EML1: variants seen among roughly 807,000 people sequenced by gnomAD.
EML1 encodes the protein echinoderm microtubule-associated protein-like 1.
In EML1, 27 loss-of-function variants were observed where a neutral mutation model predicts 110.4. That is an observed-to-expected ratio of 0.24 (90% CI 0.18 to 0.34). The LOEUF is 0.34. EML1 is among the 10% of genes least tolerant of loss of function. The probability of loss-of-function intolerance (pLI) is 1.00; values close to 1 mark genes in which losing one functional copy is unlikely to be tolerated. For synonymous variants in EML1, 344 were observed against 385.8 expected (o/e 0.89, Z 1.27); for missense variants, 741 against 1,030.9 (o/e 0.72, Z 3.85).
intron 12 of EML1, among the ~76,000 whole-genome samples, chr14:99,910,743 G>A (rs2059932412): frequency 6.6e-6 from 1 of 151,648 alleles, no homozygotes; most frequent in South Asian, 2.1e-4. Context: ...GCTAGACACT[G>A]TGAACATACA....
chr14:99,839,988 A>G (rs2139801131), intron 1 of EML1, among the ~76,000 whole-genome samples: 1 of 152,214 alleles, frequency 6.6e-6, no homozygotes, highest in East Asian at 1.9e-4. Context: ...CAGGCCCGCA[A>G]GTGGCAGAGC....
intron 1 of EML1, among the ~76,000 whole-genome samples, chr14:99,745,399 A>T (rs936936430): frequency 1.3e-5 from 2 of 152,214 alleles, no homozygotes; most frequent in African/African-American, 4.8e-5. Flanking sequence ...GTACATACAC[A>T]TATGGCACAC....
At chr14:99,891,483 G>A (rs964243290) in intron 5 of EML1, among the ~76,000 whole-genome samples, 1 of 152,206 alleles carries the variant, frequency 6.6e-6, no homozygotes, top group Non-Finnish European at 1.5e-5. Flanking sequence ...CAGTAAGGAG[G>A]AGAGTGGAAT....
At chr14:99,767,080 G>A (rs184069815) in intron 1 of EML1, among the ~76,000 whole-genome samples, 5 of 152,152 alleles carry the variant, frequency 3.3e-5, no homozygotes, top group African/African-American at 1.2e-4. Flanking sequence ...TGAGAAGAAG[G>A]CACGGTGAGA....
At chr14:99,853,420 T>A (rs1303018820) in intron 2 of EML1, among the ~76,000 whole-genome samples, 1 of 151,830 alleles carries the variant, frequency 6.6e-6, no homozygotes, top group Non-Finnish European at 1.5e-5. Context: ...GGGAGGGGTG[T>A]GCCTGCAGCA....
At chr14:99,821,308 C>T (rs1477306442) in intron 1 of EML1, among the ~76,000 whole-genome samples, 3 of 152,160 alleles carry the variant, frequency 2.0e-5, no homozygotes, top group Non-Finnish European at 2.9e-5. Flanking sequence ...CGCCCAGCCT[C>T]TTACTTTAAC....
At chr14:99,917,633 C>A in intron 15 of EML1, 149 bp from the exon 16 acceptor site, 1 of 726,118 alleles carries the variant, frequency 1.4e-6, no homozygotes. Context: ...AAACATTTTT[C>A]TCTAGAAAAG....
In EML1 at chr14:99,939,987, G is replaced by A; in HGVS notation, c.2323G>A (p.Ala775Thr). 1 of 1,570,966 alleles carries A rather than the reference G, an allele frequency of 6.4e-7. No individual in the cohort carries two copies. The highest frequency in any genetic ancestry group is 1.7e-4 in the Middle Eastern group (1 of 5,870). The change falls in exon 22 of 22, where the codon GCT (alanine) becomes ACT (threonine). Residue 775 changes from alanine (A) to threonine (T), a missense_variant and splice_region_variant. Coordinates refer to ENST00000262233, the MANE Select transcript of EML1 (RefSeq NM_004434.3). The surrounding 1 kb of genome is among the most constrained non-coding windows in gnomAD (Gnocchi z 4.2). ...LFSYPCSQFR[A>T]PSHIYGGHSS... ...CTTTCCCCCGTATCATTCCCTCCAG[G>A]CTCCAAGCCACATCTACGGCGGGCA...
intron 1 of EML1, among the ~76,000 whole-genome samples, chr14:99,812,524 C>T (rs1338548648): frequency 2.0e-5 from 3 of 151,910 alleles, no homozygotes; most frequent in South Asian, 4.2e-4. Context: ...GACCATTCCT[C>T]GGCTGCACAA....
intron 1 of EML1, among the ~76,000 whole-genome samples, chr14:99,832,567 C>T (rs1376376671): frequency 6.6e-6 from 1 of 152,154 alleles, no homozygotes; most frequent in African/African-American, 2.4e-5. Context: ...TTCTAACGGG[C>T]GTGAGGTGAT....
At chr14:99,748,943 C>A (rs896073812) in intron 1 of EML1, among the ~76,000 whole-genome samples, 1 of 152,332 alleles carries the variant, frequency 6.6e-6, no homozygotes, top group Non-Finnish European at 1.5e-5. Flanking sequence ...GATTCTCTCG[C>A]TTAGGAAACA....
chr14:99,920,768 T>G, intron 16 of EML1, 21 bp from the exon 17 acceptor site: 2 of 1,597,284 alleles, frequency 1.3e-6, no homozygotes, highest in South Asian at 1.1e-5. Context: ...CTTACTGTGC[T>G]TTTTCTCATG....
chr14:99,863,879 A>G (rs904098292), intron 2 of EML1, among the ~76,000 whole-genome samples: 1 of 152,242 alleles, frequency 6.6e-6, no homozygotes, highest in Non-Finnish European at 1.5e-5. Context: ...CATATGGTGA[A>G]ACTATATTTA....
At chr14:99,933,411 G>A (rs1267366420) in intron 17 of EML1, among the ~76,000 whole-genome samples, 2 of 152,140 alleles carry the variant, frequency 1.3e-5, no homozygotes. Flanking sequence ...CCTGATCTCA[G>A]GTGATCTGCC....
Position 99,913,629 on chromosome 14 carries a change from T to A in EML1, c.1495-550T>A, listed in dbSNP as rs183929471. Among the ~76,000 whole-genome samples, 533 of 152,312 alleles carry A rather than the reference T, an allele frequency of 3.5e-3. 2 individuals are homozygous for A. Among genetic ancestry groups the A allele is most frequent in the African/African-American group, 0.012 (519 of 41,568 alleles). On this transcript the variant is annotated intron_variant, in intron 13 of 21. Coordinates refer to ENST00000262233, the MANE Select transcript of EML1 (RefSeq NM_004434.3). ...TTCTTGCTGATGCTTCTAAGATATA[T>A]AAAATGTTTGTAGTTTAAAAATAAG... is the stretch of plus-strand genomic sequence containing the variant.
intron 1 of EML1, among the ~76,000 whole-genome samples, chr14:99,808,217 G>A (rs568871826): frequency 9.2e-5 from 14 of 152,286 alleles, no homozygotes; most frequent in East Asian, 5.8e-4. Context: ...GGGCAGGGGC[G>A]CTGTGTTGTC....
At chr14:99,837,714 T>G (rs1466381824) in intron 1 of EML1, among the ~76,000 whole-genome samples, 1 of 152,258 alleles carries the variant, frequency 6.6e-6, no homozygotes, top group Non-Finnish European at 1.5e-5. Context: ...CAGCCTGTTT[T>G]AGAAAGTTTT....
chr14:99,801,261 A>G (rs1055917206), intron 1 of EML1, among the ~76,000 whole-genome samples: 1 of 152,228 alleles, frequency 6.6e-6, no homozygotes, highest in African/African-American at 2.4e-5. Context: ...GTGAATACCT[A>G]CAGTGGGCGT....
chr14:99,929,852 G>A (rs73343754), intron 17 of EML1, among the ~76,000 whole-genome samples: 3,956 of 152,256 alleles, frequency 0.026, 191 homozygotes, highest in African/African-American at 0.091. Flanking sequence ...GCTAAGAAGG[G>A]AAACCATGAT....
Sources: gnomAD v4.1 joint callset for allele counts (sites outside exome capture counted in the v4.1 genomes callset) on GRCh38, gnomAD v4.1.1 for gene constraint, Gnocchi (gnomAD v3.1) non-coding constraint, MANE v1.5 for transcripts, NCBI Gene and HGNC (gene_info 2026-07-23, HGNC 2026-07-21) for gene names.